PSEN1: variants seen among roughly 807,000 people sequenced by gnomAD.
The protein encoded by PSEN1 is presenilin 1.
Under a neutral mutation model 53.5 loss-of-function variants are expected in PSEN1, and 15 were observed. The ratio of observed to expected loss-of-function variants is 0.28; its 90% CI spans 0.19 to 0.43. The LOEUF is 0.43. Ranked by LOEUF, PSEN1 falls within the 20% of genes least tolerant of loss-of-function variation. The probability of loss-of-function intolerance (pLI) is 1.00; values close to 1 mark genes in which losing one functional copy is unlikely to be tolerated. For missense variants in PSEN1, 387 were observed against 571.2 expected (o/e 0.68, Z 3.29); for synonymous variants, 208 against 209.8 (o/e 0.99, Z 0.08).
intron 3 of PSEN1, among the ~76,000 whole-genome samples, chr14:73,163,029 T>C (rs1312080643): frequency 6.6e-6 from 1 of 152,264 alleles, no homozygotes; most frequent in Non-Finnish European, 1.5e-5. Context: ...TGAAGAGCTC[T>C]ATTTTTATTT....
intron 9 of PSEN1, among the ~76,000 whole-genome samples, chr14:73,209,085 C>T (rs993032737): frequency 3.3e-5 from 5 of 152,334 alleles, no homozygotes; most frequent in African/African-American, 7.2e-5. Flanking sequence ...GCTCTGAAAT[C>T]GGAGCCTGCA....
At chr14:73,142,194 C>G (rs1896949951) in intron 1 of PSEN1, among the ~76,000 whole-genome samples, 1 of 152,164 alleles carries the variant, frequency 6.6e-6, no homozygotes, top group Non-Finnish European at 1.5e-5. Flanking sequence ...AGAGGCTTTT[C>G]CAGCCCATTC....
intron 3 of PSEN1, among the ~76,000 whole-genome samples, chr14:73,166,980 C>T (rs1404196806): frequency 6.6e-6 from 1 of 151,816 alleles, no homozygotes; most frequent in Non-Finnish European, 1.5e-5. Flanking sequence ...TAACAGAATA[C>T]CGCAGACTGG....
intron 8 of PSEN1, 22 bp downstream of exon 8, chr14:73,198,151 T>G (rs1293035871): frequency 1.5e-6 from 2 of 1,314,274 alleles, no homozygotes; most frequent in Non-Finnish European, 1.1e-6. Context: ...AGAAGGATAT[T>G]GAATTAGTAA....
At chr14:73,210,777 A>G (rs956288423) in intron 9 of PSEN1, among the ~76,000 whole-genome samples, 5 of 152,240 alleles carry the variant, frequency 3.3e-5, no homozygotes, top group African/African-American at 1.2e-4. Flanking sequence ...CCTGAAGCTT[A>G]CAAGCTTTAC....
chr14:73,199,208 G>A (rs72734460), intron 8 of PSEN1, among the ~76,000 whole-genome samples: 1,920 of 152,272 alleles, frequency 0.013, 59 homozygotes, highest in Non-Finnish European at 0.011. Flanking sequence ...TAGAGCTTGG[G>A]AAAAAGTTGA....
rs1900115167 is a variant in PSEN1 at position 73,221,371 on chromosome 14, A to T, written c.*2082A>T. 6.6e-6 allele frequency: 1 copy of T among 152,164 alleles called. No homozygotes were observed. The highest frequency in any genetic ancestry group is 2.1e-4 in the South Asian group (1 of 4,834). The allele number at this position is 152,164 out of a possible 1,614,324, so 9.4% of individuals were successfully genotyped here. ...TTGGAAGCATTCTTGAGGGATCCCT[A>T]ATCTAGAGTAATTTATTTGTGTAAG... On this transcript the variant is annotated 3_prime_UTR_variant, in exon 12 of 12. Transcript: ENST00000324501.
chr14:73,171,147 CTTAGCTGG>C, intron 4 of PSEN1, 100 bp downstream of exon 4: 1 of 1,432,274 alleles, frequency 7.0e-7, no homozygotes, highest in South Asian at 1.2e-5. Flanking sequence ...AGGGGCATGA[CTTAGCTGG>C]AGAGCCCATC....
intron 4 of PSEN1, among the ~76,000 whole-genome samples, chr14:73,173,212 G>T (rs912416513): frequency 6.6e-6 from 1 of 152,114 alleles, no homozygotes; most frequent in South Asian, 2.1e-4. Context: ...GTCAGCCCAC[G>T]TGGTTTCTGT....
At chr14:73,144,094 G>T (rs1401805261) in intron 1 of PSEN1, among the ~76,000 whole-genome samples, 1 of 121,286 alleles carries the variant, frequency 8.2e-6, no homozygotes, top group African/African-American at 3.2e-5. Flanking sequence ...AGGCAGGAAT[G>T]CAGTGGCGTA....
intron 8 of PSEN1, among the ~76,000 whole-genome samples, chr14:73,198,782 G>C (rs982675294): frequency 2.0e-5 from 3 of 152,082 alleles, no homozygotes; most frequent in African/African-American, 4.8e-5. Context: ...GTGTTTTCTT[G>C]TTGTTGTTGT....
At chr14:73,198,544 T>C (rs138181695) in intron 8 of PSEN1, among the ~76,000 whole-genome samples, 144 of 152,040 alleles carry the variant, frequency 9.5e-4, no homozygotes, top group Non-Finnish European at 1.5e-3. Flanking sequence ...CTGTGTGAGA[T>C]GAATTGGTGG....
In PSEN1 at chr14:73,206,672, T is replaced by C. The variant is rs362374; in HGVS notation, c.955+200T>C. Reference sequence around the variant, plus strand: ...AAAACCCAACAATACAGTCAAAGCATCCTAGGTTAAGACACCTCCCATTAA... The same window carrying C: ...AAAACCCAACAATACAGTCAAAGCACCCTAGGTTAAGACACCTCCCATTAA... On this transcript the variant is annotated intron_variant, in intron 9 of 11. Transcript: ENST00000324501. Among the ~76,000 whole-genome samples, 5,832 of 152,186 alleles carry C rather than the reference T, an allele frequency of 0.038. 305 individuals carry two copies. Among genetic ancestry groups the C allele is most frequent in the African/African-American group, 0.11 (4,689 of 41,486 alleles).
chr14:73,183,835 G>A (rs1898314785), intron 5 of PSEN1, among the ~76,000 whole-genome samples: 1 of 151,444 alleles, frequency 6.6e-6, no homozygotes, highest in African/African-American at 2.4e-5. Flanking sequence ...ACGGGGTGGT[G>A]GCCGGGCAGA....
chr14:73,184,396 C>G (rs533761451), intron 5 of PSEN1, among the ~76,000 whole-genome samples: 1 of 117,548 alleles, frequency 8.5e-6, no homozygotes, highest in East Asian at 3.5e-4. Flanking sequence ...GGGGGCTGAC[C>G]CCCCCACCTC....
chr14:73,209,763 C>T (rs1044827813), intron 9 of PSEN1, among the ~76,000 whole-genome samples: 4 of 152,142 alleles, frequency 2.6e-5, no homozygotes, highest in African/African-American at 9.7e-5. Context: ...GGGGACGGCC[C>T]GCTGAAGGAT....
At chr14:73,212,127 T>A in intron 10 of PSEN1, among the ~76,000 whole-genome samples, 185 bp downstream of exon 10, 1 of 111,266 alleles carries the variant, frequency 9.0e-6, no homozygotes, top group Admixed American at 1.0e-4. Context: ...TTTTTTTTTT[T>A]TTGAGACAGA....
intron 11 of PSEN1, among the ~76,000 whole-genome samples, chr14:73,218,726 C>G (rs1483360202): frequency 1.3e-5 from 2 of 148,982 alleles, no homozygotes; most frequent in African/African-American, 2.5e-5. Flanking sequence ...TAGAGAATGC[C>G]CCCGCACAGC....
At chr14:73,166,374 A>C (rs1337232270) in intron 3 of PSEN1, among the ~76,000 whole-genome samples, 1 of 152,156 alleles carries the variant, frequency 6.6e-6, no homozygotes, top group Non-Finnish European at 1.5e-5. Context: ...TTTGATTCCT[A>C]CCTCTGCTGT....
Sources: gnomAD v4.1 joint callset for allele counts (sites outside exome capture counted in the v4.1 genomes callset) on GRCh38, gnomAD v4.1.1 for gene constraint, MANE v1.5 for transcripts, NCBI Gene and HGNC (gene_info 2026-07-23, HGNC 2026-07-21) for gene names.